Variants in SPTAN1 observed in about 807,000 individuals in gnomAD.
The protein encoded by SPTAN1 is spectrin alpha chain, non-erythrocytic 1.
Under a neutral mutation model 331.3 loss-of-function variants are expected in SPTAN1, and 61 were observed. The ratio of observed to expected loss-of-function variants is 0.18; its 90% CI spans 0.15 to 0.23. The LOEUF is 0.23. SPTAN1 is among the 10% of genes least tolerant of loss of function. The pLI, the probability that SPTAN1 is intolerant of heterozygous loss-of-function variation, is 1.00. For synonymous variants in SPTAN1, 1,153 were observed against 1,173.9 expected, an observed-to-expected ratio of 0.98 and a Z score of 0.36; for missense variants, 2,043 against 3,147.9, an observed-to-expected ratio of 0.65 and a Z score of 8.40.
chr9:128,619,470 C>A (rs940116481), intron 44 of SPTAN1, among the ~76,000 whole-genome samples: 1 of 152,222 alleles, frequency 6.6e-6, no homozygotes, highest in Non-Finnish European at 1.5e-5. Flanking sequence ...TTCCTTGCCT[C>A]TTCCAGTTTT....
chr9:128,596,706 T>G (rs1854341375), intron 24 of SPTAN1: 1 of 152,264 alleles, frequency 6.6e-6, no homozygotes, highest in Admixed American at 6.5e-5. Context: ...TTATTTATTT[T>G]TTAGAGATAG....
At chr9:128,589,290 C>CTTTTTTT (rs1171749676) in intron 21 of SPTAN1, among the ~76,000 whole-genome samples, 6 of 126,998 alleles carry the variant, frequency 4.7e-5, no homozygotes, top group African/African-American at 1.5e-4. Flanking sequence ...TTTTTCTTTT[C>CTTTTTTT]TTTTTTTTTT....
rs373460078 is a variant in SPTAN1 at position 128,588,979 on chromosome 9, G to T, written c.3006+36G>T. On this transcript the variant is annotated intron_variant, in intron 21 of 56. Transcript: ENST00000372739. ...GAGAGTGGCTGTGTGTTTGTTCCAC[G>T]CTGGCACCTCCACGTATGCTCAGTT... is the stretch of plus-strand genomic sequence containing the variant. The T allele has an allele frequency of 2.5e-6, 4 of 1,611,522 alleles. No homozygotes were observed. In the Admixed American group the frequency reaches 5.0e-5, roughly 20 times the overall value.
intron 19 of SPTAN1, 132 bp downstream of exon 19, chr9:128,586,097 T>C: frequency 1.6e-6 from 1 of 643,404 alleles, no homozygotes; most frequent in Non-Finnish European, 2.6e-6. Context: ...TGTTTTGGAA[T>C]CCATTTTTCA....
chr9:128,584,827 T>C lies in SPTAN1; in HGVS notation c.2544T>C (p.Asn848=). ...PRIKAVTQKG[N]AMVEEGHFAA... is the part of the protein sequence containing the mutation. ...TCAAAGCAGTTACACAGAAGGGGAA[T>C]GCCATGGTGGAGGAAGGTGAGTGAT... The change falls in exon 18 of 57, where the codon AAT becomes AAC. Residue 848 remains asparagine, a synonymous_variant. Transcript: ENST00000372739. 1 of 1,614,134 alleles carries C rather than the reference T, an allele frequency of 6.2e-7. No individual in the cohort carries two copies. Among genetic ancestry groups the C allele is most frequent in the Non-Finnish European group, 8.5e-7 (1 of 1,180,012 alleles).
At position 128,632,904 on chromosome 9, in the gene SPTAN1, G is replaced by A. The variant is rs1860014145; in HGVS notation, c.7257G>A (p.Arg2419=). The part of the protein sequence containing the change: ...KSSEEIESAF[R]ALSSEGKPYV... ...GCGAGGAGATTGAGAGCGCCTTCCGGGCCCTCAGCTCAGAGGGAAAGCCTT... is the reference window on the plus strand; with the variant it reads ...GCGAGGAGATTGAGAGCGCCTTCCGAGCCCTCAGCTCAGAGGGAAAGCCTT... Residue 2419 remains arginine (R), a synonymous_variant, in exon 56 of 57, where the codon CGG becomes CGA. Coordinates refer to ENST00000372739, the MANE Select transcript of SPTAN1 (RefSeq NM_001130438.3). 1 of 1,613,780 alleles carries A rather than the reference G, an allele frequency of 6.2e-7. No individual in the cohort carries two copies. Among genetic ancestry groups the A allele is most frequent in the Non-Finnish European group, 8.5e-7 (1 of 1,180,028 alleles).
At chr9:128,575,045 T>C (rs1851154791) in intron 4 of SPTAN1, among the ~76,000 whole-genome samples, 154 bp from the exon 5 acceptor site, 2 of 152,130 alleles carry the variant, frequency 1.3e-5, no homozygotes, top group Non-Finnish European at 2.9e-5. Flanking sequence ...CTCTTAACTT[T>C]CTGTGGGAGG....
intron 3 of SPTAN1, among the ~76,000 whole-genome samples, chr9:128,572,426 C>G (rs1217574603): frequency 6.6e-6 from 1 of 152,160 alleles, no homozygotes; most frequent in Non-Finnish European, 1.5e-5. Context: ...AGATCAGACA[C>G]ATCAGCAATG....
At chr9:128,592,632 C>T (rs16930515) in intron 22 of SPTAN1, among the ~76,000 whole-genome samples, 3,399 of 152,290 alleles carry the variant, frequency 0.022, 110 homozygotes, top group African/African-American at 0.078. Flanking sequence ...AGATCAAATA[C>T]GTGGCTAAAT....
intron 43 of SPTAN1, 121 bp from the exon 44 acceptor site, chr9:128,618,750 T>C (rs1205574729): frequency 6.1e-6 from 9 of 1,470,672 alleles, no homozygotes; most frequent in South Asian, 1.1e-5. Flanking sequence ...CCCAAAGTGC[T>C]GGGATTGCAG....
rs199866820 is a variant in SPTAN1, at chr9:128,569,327, C to CTGAG, written c.363+430_363+431insTGAG. On this transcript the variant is annotated intron_variant, in intron 3 of 56. Transcript: ENST00000372739. ...CTTGGCTTGCCCTGGGAGGGGTTTA[C>CTGAG]GTCTAGGCAGCAAGCCTGTTAAAGC... is the stretch of plus-strand genomic sequence containing the variant. Among the ~76,000 whole-genome samples the CTGAG allele has an allele frequency of 3.3e-3, 504 of 152,128 alleles. 9 individuals are homozygous for CTGAG. In the East Asian group the frequency reaches 0.038, roughly 12 times the overall value.
In SPTAN1 at chr9:128,627,741, A is replaced by T. The variant is rs886853945; in HGVS notation, c.6690-184A>T. ...TAGAGATCCCGGATTGAGTGGGACCATGCAGGGCGCGTGGTCAGCCCCAGC... is the reference window on the plus strand; with the variant it reads ...TAGAGATCCCGGATTGAGTGGGACCTTGCAGGGCGCGTGGTCAGCCCCAGC... On this transcript the variant is annotated intron_variant, in intron 50 of 56. Coordinates refer to ENST00000372739, the MANE Select transcript of SPTAN1 (RefSeq NM_001130438.3). This position sits in a 1 kb window ranked among gnomAD's most constrained non-coding sequence, Gnocchi z 4.9. 2.4e-6 allele frequency: 2 copies of T among 844,204 alleles called. No homozygotes were observed. Among genetic ancestry groups the T allele is most frequent in the Non-Finnish European group, 4.0e-6 (2 of 493,984 alleles). The allele number at this position is 844,204 out of a possible 1,614,324, so 52.3% of individuals were successfully genotyped here. A position where few individuals can be genotyped will look rare whatever the true frequency, so the allele number is the denominator to read the frequency against.
intron 26 of SPTAN1, 21 bp downstream of exon 26, chr9:128,599,007 G>C (rs1564260450): frequency 6.2e-7 from 1 of 1,613,076 alleles, no homozygotes; most frequent in Non-Finnish European, 8.5e-7. Flanking sequence ...GGTGCTGTGT[G>C]TGGATCTTGA....
chr9:128,633,043 C>G, intron 56 of SPTAN1, 88 bp downstream of exon 56: 5 of 1,596,572 alleles, frequency 3.1e-6, no homozygotes, highest in Non-Finnish European at 4.3e-6. Context: ...GTAACAGGCC[C>G]TGCGCTGGGT....
rs1554764758 is a variant in SPTAN1, at chr9:128,621,233, A to G, written c.5809A>G (p.Asn1937Asp). 1 of 1,613,834 alleles carries G rather than the reference A, an allele frequency of 6.2e-7. No individual in the cohort carries two copies. The highest frequency in any genetic ancestry group is 8.5e-7 in the Non-Finnish European group (1 of 1,179,994). ...HKDRVNDVCT[N>D]GQDLIKKNNH... ...GGATCGCGTGAATGATGTCTGCACC[A>G]ATGGACAAGACCTCATTAAGAAGGT... is the stretch of plus-strand genomic sequence containing the variant. The change falls in exon 45 of 57, where the codon AAT becomes GAT. Residue 1937 changes from asparagine to aspartate, a missense_variant. Physicochemically the swap from Asn to Asp is conservative, Grantham distance 23. Transcript: ENST00000372739.
chr9:128,578,002 T>C (rs545810711), intron 8 of SPTAN1, 108 bp from the exon 9 acceptor site: 3 of 1,277,184 alleles, frequency 2.3e-6, no homozygotes, highest in Admixed American at 1.7e-5. Flanking sequence ...TTAGAATTTA[T>C]ATAGTTTGTT....
intron 45 of SPTAN1, among the ~76,000 whole-genome samples, chr9:128,622,519 G>C (rs983984176): frequency 6.6e-6 from 1 of 151,082 alleles, no homozygotes; most frequent in African/African-American, 2.4e-5. Flanking sequence ...GGCTGGTCTC[G>C]AACTCCTGAC....
At chr9:128,584,020 GAGGGAGGAAAAGCC>G in intron 16 of SPTAN1, 51 bp downstream of exon 16, 1 of 1,610,014 alleles carries the variant, frequency 6.2e-7, no homozygotes, top group Non-Finnish European at 8.5e-7. Flanking sequence ...GAAACTATAG[GAGGGAGGAAAAGCC>G]AGTAATTTGA....
chr9:128,633,611 C>A lies in SPTAN1; in HGVS notation c.*277C>A. 3.3e-6 allele frequency: 4 copies of A among 1,200,904 alleles called. 1 individual carries two copies. The highest frequency in any genetic ancestry group is 1.2e-6 in the Non-Finnish European group (1 of 851,942). 74.4% of individuals were successfully genotyped at this position (1,200,904 alleles called of 1,614,324 possible). On this transcript the variant is annotated 3_prime_UTR_variant, in exon 57 of 57. Coordinates refer to ENST00000372739, the MANE Select transcript of SPTAN1 (RefSeq NM_001130438.3). ...CTCCCCTTGTTCTCTCTCCCACCCT[C>A]CCCCAAATCTGTTTTCATGTAAAAG...
Sources: allele counts gnomAD v4.1 joint callset (sites outside exome capture counted in the v4.1 genomes callset), GRCh38; gene constraint gnomAD v4.1.1; non-coding constraint Gnocchi (gnomAD v3.1); transcripts MANE v1.5; gene names NCBI Gene and HGNC (gene_info 2026-07-23, HGNC 2026-07-21).